SLF1: variants seen among roughly 807,000 people sequenced by gnomAD.
The protein encoded by SLF1 is SMC5-SMC6 complex localization factor protein 1.
Under a neutral mutation model 123.0 loss-of-function variants are expected in SLF1, and 105 were observed. The ratio of observed to expected loss-of-function variants is 0.85; its 90% CI spans 0.73 to 1.00. SLF1 has a LOEUF of 1.00. Ranked by LOEUF, SLF1 falls within the 50% of genes least tolerant of loss-of-function variation. The pLI is 0.00. For synonymous variants in SLF1, 434 were observed against 406.6 expected, an observed-to-expected ratio of 1.07 and a Z score of -0.81; for missense variants, 1,239 against 1,223.0, an observed-to-expected ratio of 1.01 and a Z score of -0.20.
At chr5:94,633,122 G>T (rs1745392957) in intron 4 of SLF1, among the ~76,000 whole-genome samples, 1 of 151,964 alleles carries the variant, frequency 6.6e-6, no homozygotes, top group African/African-American at 2.4e-5. Flanking sequence ...CGAGTAGCTG[G>T]GACCACAGGC....
In SLF1 at chr5:94,653,288, AAG is replaced by A. The variant is rs774323346; in HGVS notation, c.901_902del (p.Asp301Ter). 1.3e-6 allele frequency: 2 copies of A among 1,526,552 alleles called. No homozygotes were observed. The highest frequency in any genetic ancestry group is 2.5e-5 in the South Asian group (2 of 79,438). The allele number at this position is 1,526,552 out of a possible 1,614,324, so 94.6% of individuals were successfully genotyped here. A position where few individuals can be genotyped will look rare whatever the true frequency, so the allele number is the denominator to read the frequency against. On this transcript the variant is annotated frameshift_variant, in exon 8 of 21. Coordinates refer to ENST00000265140, the MANE Select transcript of SLF1 (RefSeq NM_032290.4). LOFTEE classifies it high-confidence loss of function. ...TACATGTAGAAGGAAATTAAGAAAAAAGATGAAGATATTCAGAGGAGTTATAC... is the reference window on the plus strand; with the variant it reads ...TACATGTAGAAGGAAATTAAGAAAAAATGAAGATATTCAGAGGAGTTATAC...
At chr5:94,644,478 T>G (rs982485045) in intron 5 of SLF1, among the ~76,000 whole-genome samples, 2 of 152,224 alleles carry the variant, frequency 1.3e-5, no homozygotes, top group African/African-American at 4.8e-5. Context: ...TTCTGTCTTT[T>G]CAATTGTATC....
intron 5 of SLF1, among the ~76,000 whole-genome samples, chr5:94,647,593 T>G (rs987063636): frequency 2.6e-5 from 4 of 152,206 alleles, no homozygotes; most frequent in Non-Finnish European, 5.9e-5. Flanking sequence ...AATATACTAG[T>G]CTTGGACTGG....
chr5:94,638,657 T>A (rs1423008700), intron 4 of SLF1, among the ~76,000 whole-genome samples: 1 of 152,218 alleles, frequency 6.6e-6, no homozygotes, highest in African/African-American at 2.4e-5. Context: ...GAGAATCCTT[T>A]CTGTGTGGCA....
At chr5:94,669,867 GAAAT>G (rs953075232) in intron 12 of SLF1, among the ~76,000 whole-genome samples, 2 of 151,802 alleles carry the variant, frequency 1.3e-5, no homozygotes, top group Admixed American at 1.3e-4. Context: ...TCTCATCAGT[GAAAT>G]AAAGAGCACA....
intron 1 of SLF1, among the ~76,000 whole-genome samples, chr5:94,622,531 C>A (rs1257185470): frequency 1.3e-5 from 2 of 152,072 alleles, no homozygotes; most frequent in Non-Finnish European, 2.9e-5. Context: ...TTTTTACACT[C>A]AGATAAAACC....
chr5:94,682,120 A>T (rs979401808), intron 15 of SLF1, among the ~76,000 whole-genome samples: 1 of 152,194 alleles, frequency 6.6e-6, no homozygotes, highest in Admixed American at 6.5e-5. Context: ...TTTAAATCTC[A>T]TCTAAAGTTT....
intron 15 of SLF1, among the ~76,000 whole-genome samples, chr5:94,679,437 AT>A (rs5869636): frequency 0.15 from 22,443 of 150,958 alleles, 1,852 homozygotes; most frequent in East Asian, 0.32. Context: ...TTAAAAAAAA[AT>A]TTAAAAATTT....
At chr5:94,672,773 G>C (rs1464823600) in intron 14 of SLF1, among the ~76,000 whole-genome samples, 1 of 152,024 alleles carries the variant, frequency 6.6e-6, no homozygotes, top group Non-Finnish European at 1.5e-5. Flanking sequence ...TTCCATATCT[G>C]AAGTCTTTAT....
At chr5:94,643,468 GTT>G (rs1209446838) in intron 5 of SLF1, 33 bp downstream of exon 5, 10 of 1,311,648 alleles carry the variant, frequency 7.6e-6, no homozygotes, top group South Asian at 1.8e-5. Flanking sequence ...ATTTTATTTT[GTT>G]TCATGTGTTC....
At chr5:94,634,443 T>C (rs1450442432) in intron 4 of SLF1, among the ~76,000 whole-genome samples, 1 of 152,204 alleles carries the variant, frequency 6.6e-6, no homozygotes, top group Non-Finnish European at 1.5e-5. Context: ...TGTCTTTCTG[T>C]GCTGGGATTG....
intron 15 of SLF1, among the ~76,000 whole-genome samples, chr5:94,685,731 A>C (rs1752337180): frequency 6.6e-6 from 1 of 151,618 alleles, no homozygotes; most frequent in Admixed American, 6.6e-5. Context: ...GCTACTTGGG[A>C]GGCTGAGGCA....
At chr5:94,638,977 A>C (rs981956982) in intron 4 of SLF1, among the ~76,000 whole-genome samples, 1 of 151,898 alleles carries the variant, frequency 6.6e-6, no homozygotes, top group Non-Finnish European at 1.5e-5. Context: ...ATTGTTGACA[A>C]ATTGAATTAA....
intron 9 of SLF1, among the ~76,000 whole-genome samples, chr5:94,656,602 TAA>T (rs1748408027): frequency 6.6e-6 from 1 of 152,026 alleles, no homozygotes; most frequent in Non-Finnish European, 1.5e-5. Flanking sequence ...AATTCAGCAA[TAA>T]AGTCTTTTGG....
At chr5:94,693,398 T>C (rs535366197) in intron 20 of SLF1, among the ~76,000 whole-genome samples, 8 of 152,192 alleles carry the variant, frequency 5.3e-5, no homozygotes, top group Admixed American at 2.0e-4. Flanking sequence ...CCAATATTTG[T>C]TAGGAGCCAT....
At chr5:94,669,391 T>C (rs952255686) in intron 12 of SLF1, among the ~76,000 whole-genome samples, 1 of 152,118 alleles carries the variant, frequency 6.6e-6, no homozygotes, top group Non-Finnish European at 1.5e-5. Flanking sequence ...GTTGATATAA[T>C]CAATAAGAAA....
At chr5:94,666,529 G>T (rs1749778727) in intron 12 of SLF1, among the ~76,000 whole-genome samples, 1 of 152,052 alleles carries the variant, frequency 6.6e-6, no homozygotes, top group Non-Finnish European at 1.5e-5. Flanking sequence ...CTGTCTTTCA[G>T]TTGTTAGTGT....
At chr5:94,628,989 A>G (rs11741678) in intron 2 of SLF1, 65 bp downstream of exon 2, 40,206 of 1,415,266 alleles carry the variant, frequency 0.028, 1,633 homozygotes, top group East Asian at 0.2. Flanking sequence ...ATACTGGCCT[A>G]AGAATGATAA....
rs1308708423 is a variant in SLF1 at position 94,671,027 on chromosome 5, T to C, written c.1827+19T>C. On this transcript the variant is annotated intron_variant, in intron 14 of 20. Transcript: ENST00000265140. Reference sequence around the variant, plus strand: ...TAATGATGTAAGTAGGATTAATTTATAGATGAATAGTCTATGGAAACAGCA... The same window carrying C: ...TAATGATGTAAGTAGGATTAATTTACAGATGAATAGTCTATGGAAACAGCA... 6.8e-7 allele frequency: 1 copy of C among 1,460,660 alleles called. No individual in the cohort carries two copies. Among genetic ancestry groups the C allele is most frequent in the Non-Finnish European group, 9.3e-7 (1 of 1,072,580 alleles). 90.5% of individuals were successfully genotyped at this position (1,460,660 alleles called of 1,614,324 possible).
Sources: gnomAD v4.1 joint callset for allele counts (sites outside exome capture counted in the v4.1 genomes callset) on GRCh38, gnomAD v4.1.1 for gene constraint, MANE v1.5 for transcripts, NCBI Gene and HGNC (gene_info 2026-07-23, HGNC 2026-07-21) for gene names.